CDH9: variants seen among roughly 807,000 people sequenced by gnomAD.
CDH9 encodes cadherin-9.
Under a neutral mutation model 70.9 loss-of-function variants are expected in CDH9, and 28 were observed. The observed-to-expected ratio is 0.40, with a 90% CI of 0.29 to 0.54. The LOEUF is 0.54. Ranked by LOEUF, CDH9 falls within the 20% of genes least tolerant of loss-of-function variation. CDH9 has a pLI of 0.59. For synonymous variants in CDH9, 409 were observed against 343.1 expected (o/e 1.19, Z -2.12); for missense variants, 874 against 984.4 (o/e 0.89, Z 1.50).
chr5:26,922,147 G>T (rs1295782698), intron 2 of CDH9, among the ~76,000 whole-genome samples: 1 of 150,238 alleles, frequency 6.7e-6, no homozygotes, highest in Non-Finnish European at 1.5e-5. Flanking sequence ...AGGAGAGAGA[G>T]ATGAGAGTAG....
intron 2 of CDH9, among the ~76,000 whole-genome samples, chr5:26,946,281 T>C (rs1306605632): frequency 4.6e-5 from 7 of 152,152 alleles, no homozygotes; most frequent in African/African-American, 1.4e-4. Context: ...TCCTTCCTGA[T>C]TCCTCTGCAT....
chr5:26,925,488 A>T (rs1313592476), intron 2 of CDH9, among the ~76,000 whole-genome samples: 1 of 152,092 alleles, frequency 6.6e-6, no homozygotes, highest in Non-Finnish European at 1.5e-5. Context: ...ATTTTCTCCC[A>T]TTCTGTAGGT....
chr5:26,927,053 T>C (rs1741355248), intron 2 of CDH9, among the ~76,000 whole-genome samples: 1 of 151,806 alleles, frequency 6.6e-6, no homozygotes, highest in Non-Finnish European at 1.5e-5. Context: ...AGAATATTTA[T>C]CATGTCCAAG....
At chr5:26,962,221 A>G (rs538472656) in intron 2 of CDH9, among the ~76,000 whole-genome samples, 1 of 152,232 alleles carries the variant, frequency 6.6e-6, no homozygotes, top group East Asian at 1.9e-4. Context: ...TATCCAGTCT[A>G]TCATTGATGG....
chr5:26,993,760 G>A (rs915088421), intron 1 of CDH9, among the ~76,000 whole-genome samples: 4 of 134,876 alleles, frequency 3.0e-5, no homozygotes, highest in Non-Finnish European at 4.7e-5. Context: ...TGACTCGAAA[G>A]ATAATTCAGG....
At chr5:26,967,674 T>A (rs895071464) in intron 2 of CDH9, among the ~76,000 whole-genome samples, 4 of 152,102 alleles carry the variant, frequency 2.6e-5, no homozygotes, top group Non-Finnish European at 5.9e-5. Context: ...TATTTTAAGT[T>A]ACAAACATTC....
chr5:26,934,347 C>A (rs568591402), intron 2 of CDH9, among the ~76,000 whole-genome samples: 1 of 152,134 alleles, frequency 6.6e-6, no homozygotes, highest in Admixed American at 6.5e-5. Flanking sequence ...GCCCTGTAGT[C>A]CCAGATGCTA....
At chr5:26,915,107 T>A (rs1741124642) in intron 3 of CDH9, among the ~76,000 whole-genome samples, 1 of 152,014 alleles carries the variant, frequency 6.6e-6, no homozygotes, top group Non-Finnish European at 1.5e-5. Context: ...GCTACCAGGT[T>A]ATTTGATCTT....
intron 1 of CDH9, among the ~76,000 whole-genome samples, chr5:26,992,602 A>G (rs1484557137): frequency 6.6e-6 from 1 of 152,130 alleles, no homozygotes; most frequent in East Asian, 1.9e-4. Context: ...TTAGTACCAG[A>G]AGTGGGTTGC....
At chr5:26,911,153 G>A (rs891475883) in intron 3 of CDH9, among the ~76,000 whole-genome samples, 5 of 152,104 alleles carry the variant, frequency 3.3e-5, no homozygotes, top group African/African-American at 9.7e-5. Flanking sequence ...AATGCTTAAT[G>A]TAGACTAGAC....
At chr5:26,943,524 A>G (rs1466371434) in intron 2 of CDH9, among the ~76,000 whole-genome samples, 1 of 152,014 alleles carries the variant, frequency 6.6e-6, no homozygotes, top group Non-Finnish European at 1.5e-5. Context: ...AAAAAAAAAA[A>G]AAAAGCTAAC....
Position 26,917,371 on chromosome 5 carries a change from A to T in CDH9, c.229-1447T>A, listed in dbSNP as rs1336572770. ...CAGTGGTCTTTTGCCCTGCATGGTG[A>T]CTATAATAAATAATAAACTATATAT... On this transcript the variant is annotated intron_variant, in intron 2 of 11. Transcript: ENST00000231021. Among the ~76,000 whole-genome samples the T allele has an allele frequency of 2.6e-5, 4 of 152,036 alleles. No homozygotes were observed. In the East Asian group the frequency reaches 7.7e-4, roughly 29 times the overall value.
intron 2 of CDH9, among the ~76,000 whole-genome samples, chr5:26,956,799 A>G (rs1395809772): frequency 2.0e-5 from 3 of 152,158 alleles, no homozygotes; most frequent in Non-Finnish European, 2.9e-5. Flanking sequence ...ACCCAGTTTC[A>G]GTCATGCTGT....
chr5:26,964,710 C>T (rs1397893725), intron 2 of CDH9, among the ~76,000 whole-genome samples: 2 of 151,988 alleles, frequency 1.3e-5, no homozygotes, highest in Non-Finnish European at 2.9e-5. Context: ...TATACACTTG[C>T]CATGTTGGTT....
At chr5:27,001,262 A>G (rs973214038) in intron 1 of CDH9, among the ~76,000 whole-genome samples, 8 of 152,152 alleles carry the variant, frequency 5.3e-5, no homozygotes, top group Non-Finnish European at 8.8e-5. Context: ...TGGCGTAAGT[A>G]ATTTTCCAAA....
In CDH9 at chr5:26,915,668, T is replaced by C. The variant is rs1217813170; in HGVS notation, c.485A>G (p.Asp162Gly). 6.2e-7 allele frequency: 1 copy of C among 1,607,166 alleles called. No individual in the cohort carries two copies. Among genetic ancestry groups the C allele is most frequent in the African/African-American group, 1.3e-5 (1 of 74,748 alleles). The change falls in exon 3 of 12, where the codon GAC (aspartate) becomes GGC (glycine). Residue 162 changes from aspartate (D) to glycine (G), a missense_variant. Coordinates refer to ENST00000231021, the MANE Select transcript of CDH9 (RefSeq NM_016279.4). ...INDNEPKFTK[D>G]LYTASVPEMS... ...TTCAGGAACACTGGCAGTGTATAAG[T>C]CTTTTGTAAATTTTGGCTCATTGTC...
At chr5:26,993,350 G>A (rs1321659205) in intron 1 of CDH9, among the ~76,000 whole-genome samples, 1 of 152,122 alleles carries the variant, frequency 6.6e-6, no homozygotes, top group Non-Finnish European at 1.5e-5. Flanking sequence ...AGATTTCTAA[G>A]AAAATTGTTG....
chr5:26,969,937 A>T (rs978954033), intron 2 of CDH9, among the ~76,000 whole-genome samples: 5 of 148,914 alleles, frequency 3.4e-5, no homozygotes, highest in Non-Finnish European at 7.4e-5. Flanking sequence ...TATATATATA[A>T]TATATATACA....
At chr5:27,020,952 T>A (rs1464716508) in intron 1 of CDH9, among the ~76,000 whole-genome samples, 4 of 151,786 alleles carry the variant, frequency 2.6e-5, no homozygotes, top group African/African-American at 7.2e-5. Context: ...TCAAAATATA[T>A]CCTTAATTTT....
Sources: allele counts gnomAD v4.1 joint callset (sites outside exome capture counted in the v4.1 genomes callset), GRCh38; gene constraint gnomAD v4.1.1; transcripts MANE v1.5; gene names NCBI Gene and HGNC (gene_info 2026-07-23, HGNC 2026-07-21).